Variants in HIPK2 observed in about 807,000 individuals in gnomAD.
HIPK2 encodes homeodomain interacting protein kinase 2, also known as homeodomain-interacting protein kinase 2.
Under a neutral mutation model 113.7 loss-of-function variants are expected in HIPK2, and 27 were observed. That is an observed-to-expected ratio of 0.24 (90% CI 0.17 to 0.33). HIPK2 has a LOEUF of 0.33. Ranked by LOEUF, HIPK2 falls within the 10% of genes least tolerant of loss-of-function variation. The pLI, the probability that HIPK2 is intolerant of heterozygous loss-of-function variation, is 1.00. For synonymous variants in HIPK2, 631 were observed against 642.2 expected (o/e 0.98, Z 0.26); for missense variants, 1,257 against 1,588.0 (o/e 0.79, Z 3.54).
intron 1 of HIPK2, among the ~76,000 whole-genome samples, chr7:139,725,546 T>A (rs1585425299): frequency 6.6e-6 from 1 of 152,240 alleles, no homozygotes. Context: ...TACCTAGTTA[T>A]CCAGAATTGT....
Position 139,762,245 on chromosome 7 carries a change from C to T in HIPK2, c.19+15360G>A, listed in dbSNP as rs563463203. 2.6e-5 allele frequency among the ~76,000 whole-genome samples: 4 copies of T among 152,292 alleles called. No individual in the cohort carries two copies. The South Asian group carries it at 8.3e-4, about 32-fold the overall frequency. Reference sequence around the variant, plus strand: ...TTCTCTGACAAATCAAAGATTTCTTCCCCAGATGGTGGCAACACTGTAGAA... The same window carrying T: ...TTCTCTGACAAATCAAAGATTTCTTTCCCAGATGGTGGCAACACTGTAGAA... On this transcript the variant is annotated intron_variant, in intron 1 of 14. Coordinates refer to ENST00000406875, the MANE Select transcript of HIPK2 (RefSeq NM_022740.5).
chr7:139,763,472 GCC>G (rs547691856), intron 1 of HIPK2, among the ~76,000 whole-genome samples: 15 of 100,788 alleles, frequency 1.5e-4, no homozygotes, highest in Non-Finnish European at 2.5e-4. Context: ...GCCGGAACAC[GCC>G]CCCCCCCCCA....
At chr7:139,661,068 TG>T (rs900421367) in intron 2 of HIPK2, among the ~76,000 whole-genome samples, 1 of 82,262 alleles carries the variant, frequency 1.2e-5, no homozygotes, top group African/African-American at 4.8e-5. Flanking sequence ...TGGGGTGGGG[TG>T]GGGTTGATCT....
chr7:139,760,227 A>G (rs952064220), intron 1 of HIPK2, among the ~76,000 whole-genome samples: 13 of 152,106 alleles, frequency 8.5e-5, no homozygotes, highest in Admixed American at 8.5e-4. Context: ...GATGGTCTCA[A>G]TCTCCTGACC....
At chr7:139,702,081 G>A (rs1329659188) in intron 2 of HIPK2, among the ~76,000 whole-genome samples, 3 of 152,198 alleles carry the variant, frequency 2.0e-5, no homozygotes, top group African/African-American at 7.2e-5. Flanking sequence ...GGTGTCTTTT[G>A]AGAGCAAGGA....
chr7:139,753,927 C>G (rs1451152787), intron 1 of HIPK2, among the ~76,000 whole-genome samples: 3 of 152,262 alleles, frequency 2.0e-5, no homozygotes, highest in African/African-American at 7.2e-5. Flanking sequence ...GAAATGAAGA[C>G]TGGCACTTTT....
chr7:139,701,756 T>C lies in HIPK2; in HGVS notation c.1103+14176A>G, dbSNP rs1358530777. On this transcript the variant is annotated intron_variant, in intron 2 of 14. Transcript: ENST00000406875. ...AAACGCAAATTATTTAGAGGAGGGATAAATCTCTTTTGGTTATGGCAAAGG... is the reference window on the plus strand; with the variant it reads ...AAACGCAAATTATTTAGAGGAGGGACAAATCTCTTTTGGTTATGGCAAAGG... 2.0e-5 allele frequency among the ~76,000 whole-genome samples: 3 copies of C among 152,304 alleles called. No homozygotes were observed. The East Asian group carries it at 5.8e-4, about 29-fold the overall frequency.
intron 1 of HIPK2, among the ~76,000 whole-genome samples, chr7:139,735,637 T>C (rs572221800): frequency 7.2e-4 from 110 of 152,272 alleles, no homozygotes; most frequent in Middle Eastern, 3.4e-3. Flanking sequence ...AAGAGATAAC[T>C]GACCACAGAA....
At chr7:139,639,278 C>T (rs894188074) in intron 2 of HIPK2, among the ~76,000 whole-genome samples, 3 of 152,168 alleles carry the variant, frequency 2.0e-5, no homozygotes, top group African/African-American at 7.2e-5. Flanking sequence ...TCTTTTCATC[C>T]AGCCCACCTG....
intron 2 of HIPK2, among the ~76,000 whole-genome samples, chr7:139,700,085 G>C (rs1794666405): frequency 1.3e-5 from 2 of 152,336 alleles, no homozygotes; most frequent in East Asian, 3.9e-4. Context: ...CAAATCCTCA[G>C]TGGCGCTCTC....
At chr7:139,609,917 A>C (rs1446055757) in intron 9 of HIPK2, among the ~76,000 whole-genome samples, 1 of 152,248 alleles carries the variant, frequency 6.6e-6, no homozygotes, top group East Asian at 1.9e-4. Context: ...TTACGTGTGC[A>C]TCAACTTATT....
In HIPK2 at chr7:139,628,900, T is replaced by C. The variant is rs1800517221; in HGVS notation, c.1434+53A>G. ...TCTTCTATTACTATTGCAGAAGTCT[T>C]GCTGCCCTTGGTTTTAAAGGGCTTA... is the stretch of plus-strand genomic sequence containing the variant. On this transcript the variant is annotated intron_variant, in intron 5 of 14. Coordinates refer to ENST00000406875, the MANE Select transcript of HIPK2 (RefSeq NM_022740.5). 8 of 1,462,128 alleles carry C rather than the reference T, an allele frequency of 5.5e-6. No homozygotes were observed. The East Asian group carries it at 1.9e-4, about 35-fold the overall frequency. 90.6% of individuals were successfully genotyped at this position (1,462,128 alleles called of 1,614,324 possible). A position where few individuals can be genotyped will look rare whatever the true frequency, so the allele number is the denominator to read the frequency against.
intron 10 of HIPK2, among the ~76,000 whole-genome samples, chr7:139,601,447 G>C (rs139158888): frequency 6.6e-6 from 1 of 152,174 alleles, no homozygotes. Flanking sequence ...TATGCTTCTG[G>C]TGTTAGGAAG....
chr7:139,701,909 G>C (rs1794720210), intron 2 of HIPK2, among the ~76,000 whole-genome samples: 1 of 152,146 alleles, frequency 6.6e-6, no homozygotes, highest in Non-Finnish European at 1.5e-5. Context: ...AGCAGGTCAG[G>C]CTGCTGCAGA....
intron 1 of HIPK2, among the ~76,000 whole-genome samples, chr7:139,734,269 C>A (rs567842153): frequency 5.9e-5 from 9 of 152,196 alleles, no homozygotes; most frequent in Non-Finnish European, 1.0e-4. Flanking sequence ...CTCTCATCAC[C>A]ACCAGTGTTA....
At chr7:139,602,539 T>C (rs944887493) in intron 10 of HIPK2, among the ~76,000 whole-genome samples, 2 of 151,868 alleles carry the variant, frequency 1.3e-5, no homozygotes, top group Non-Finnish European at 2.9e-5. Context: ...ATTTCTGAAA[T>C]TAGATGAGCT....
chr7:139,697,681 C>A (rs1300824850), intron 2 of HIPK2, among the ~76,000 whole-genome samples: 1 of 151,362 alleles, frequency 6.6e-6, no homozygotes, highest in Non-Finnish European at 1.5e-5. Context: ...TAAAATTAGT[C>A]TTTTTAAAGT....
intron 2 of HIPK2, among the ~76,000 whole-genome samples, chr7:139,705,696 C>A (rs1794872619): frequency 6.6e-6 from 1 of 152,050 alleles, no homozygotes; most frequent in African/African-American, 2.4e-5. Context: ...GAACAATAAG[C>A]CTCAGAAAGG....
At chr7:139,638,105 T>C (rs184792611) in intron 2 of HIPK2, among the ~76,000 whole-genome samples, 1 of 152,288 alleles carries the variant, frequency 6.6e-6, no homozygotes, top group East Asian at 1.9e-4. Flanking sequence ...CATTACGCCC[T>C]CTAGAGCCTC....
Sources: gnomAD v4.1 joint callset for allele counts (sites outside exome capture counted in the v4.1 genomes callset) on GRCh38, gnomAD v4.1.1 for gene constraint, MANE v1.5 for transcripts, NCBI Gene and HGNC (gene_info 2026-07-23, HGNC 2026-07-21) for gene names.